NLRC4: variants seen among roughly 807,000 people sequenced by gnomAD.
NLRC4 encodes NLR family CARD domain-containing protein 4.
NLRC4 carries 63 observed loss-of-function variants against 79.9 expected under a neutral mutation model. The ratio of observed to expected loss-of-function variants is 0.79; its 90% CI spans 0.64 to 0.97. The LOEUF (loss-of-function observed/expected upper bound fraction) is 0.97, where lower values mean the gene tolerates loss of function less well. Ranked by LOEUF, NLRC4 falls within the 50% of genes least tolerant of loss-of-function variation. The pLI is 0.00. For missense variants in NLRC4, 1,074 were observed against 1,215.2 expected (o/e 0.88, Z 1.73); for synonymous variants, 461 against 456.5 (o/e 1.01, Z -0.12).
At position 32,251,362 on chromosome 2, in the gene NLRC4, C is replaced by CA; in HGVS notation, c.501dup (p.Glu168Ter). On this transcript the variant is annotated frameshift_variant, in exon 4 of 9. Transcript: ENST00000402280. LOFTEE classifies it high-confidence loss of function. ...GACTTGCCTTTGCCAGATTCCCCTT[C>CA]AATGATGCAGGGGCTCTGAAGAGCC... 6.2e-7 allele frequency: 1 copy of CA among 1,614,138 alleles called. No individual in the cohort carries two copies.
At chr2:32,235,072 G>C (rs978951155) in intron 8 of NLRC4, among the ~76,000 whole-genome samples, 3 of 152,168 alleles carry the variant, frequency 2.0e-5, no homozygotes, top group African/African-American at 7.2e-5. Context: ...TACCCAGTAA[G>C]TAACTTGAAA....
intron 8 of NLRC4, among the ~76,000 whole-genome samples, chr2:32,228,623 A>C (rs1278201219): frequency 6.6e-6 from 1 of 152,220 alleles, no homozygotes; most frequent in African/African-American, 2.4e-5. Context: ...TAAGTTTTTC[A>C]GTAGACTGCA....
chr2:32,249,549 T>C, intron 4 of NLRC4, 58 bp downstream of exon 4: 1 of 1,366,790 alleles, frequency 7.3e-7, no homozygotes, highest in Non-Finnish European at 1.0e-6. Context: ...TTTCCAAATT[T>C]ATACACTGTT....
At chr2:32,263,855 C>G (rs958316317) in intron 1 of NLRC4, among the ~76,000 whole-genome samples, 1 of 152,172 alleles carries the variant, frequency 6.6e-6, no homozygotes, top group Admixed American at 6.5e-5. Flanking sequence ...TGACCAGGTT[C>G]TATCCTAGTT....
chr2:32,234,236 A>G (rs1176183919), intron 8 of NLRC4, among the ~76,000 whole-genome samples: 3 of 151,946 alleles, frequency 2.0e-5, no homozygotes, highest in Non-Finnish European at 4.4e-5. Context: ...AAAAAAAAAA[A>G]TTAGGCGTGG....
chr2:32,228,981 GT>G (rs1197460834), intron 8 of NLRC4, among the ~76,000 whole-genome samples: 1 of 151,882 alleles, frequency 6.6e-6, no homozygotes, highest in Non-Finnish European at 1.5e-5. Flanking sequence ...GGCCAGGCTG[GT>G]TTTGAACTCC....
chr2:32,244,112 T>G lies in NLRC4; in HGVS notation c.2258-2987A>C, dbSNP rs190036604. ...AAAAAATTTAAAAATTAACCAGATG[T>G]GATAGTTCACACTTATGGTCCCAGC... On this transcript the variant is annotated intron_variant, in intron 4 of 8. Transcript: ENST00000402280. 1.8e-3 allele frequency among the ~76,000 whole-genome samples: 270 copies of G among 152,100 alleles called. 1 individual carries two copies. The highest frequency in any genetic ancestry group is 5.9e-3 in the African/African-American group (243 of 41,478).
In NLRC4 at chr2:32,249,834, A is replaced by T. The variant is rs773818828; in HGVS notation, c.2030T>A (p.Ile677Asn). 1.9e-6 allele frequency: 3 copies of T among 1,614,174 alleles called. No individual in the cohort carries two copies. The Admixed American group carries it at 5.0e-5, about 27-fold the overall frequency. The stretch of plus-strand genomic sequence containing the variant: ...GCTGAATATTTTCCCCAGATATCTG[A>T]TATCTTGCTTATTCAACTTGCTGAA... ...RDFSKLNKQDIRYLGKIFSSA... is the reference protein window; with the variant it reads ...RDFSKLNKQDNRYLGKIFSSA... Residue 677 changes from isoleucine to asparagine, a missense_variant, in exon 4 of 9, where the codon ATC becomes AAC. Ile to Asn is a moderately radical substitution (Grantham distance 149). Coordinates refer to ENST00000402280, the MANE Select transcript of NLRC4 (RefSeq NM_001199138.2).
At chr2:32,231,910 A>G (rs1302573338) in intron 8 of NLRC4, among the ~76,000 whole-genome samples, 3 of 152,162 alleles carry the variant, frequency 2.0e-5, no homozygotes, top group Non-Finnish European at 4.4e-5. Flanking sequence ...CATCCAGGAT[A>G]GGACATTACA....
At chr2:32,233,349 A>ATATATATATATTT (rs1418146489) in intron 8 of NLRC4, among the ~76,000 whole-genome samples, 7 of 41,100 alleles carry the variant, frequency 1.7e-4, no homozygotes, top group Non-Finnish European at 2.6e-4. Context: ...ATATATATAT[A>ATATATATATATTT]TTTTTTTTTT....
intron 4 of NLRC4, among the ~76,000 whole-genome samples, chr2:32,246,198 T>C (rs890914013): frequency 6.6e-6 from 1 of 151,998 alleles, no homozygotes; most frequent in Non-Finnish European, 1.5e-5. Flanking sequence ...AAATAATAAT[T>C]AAATAAAGTA....
rs1558447016 is a variant in NLRC4, at chr2:32,233,180, GGAAGGAAGGAAGGA to G, written c.2782+2207_2782+2220del. 1.8e-3 allele frequency among the ~76,000 whole-genome samples: 167 copies of G among 95,236 alleles called. 1 individual carries two copies. Among genetic ancestry groups the G allele is most frequent in the Non-Finnish European group, 2.6e-3 (120 of 46,898 alleles). The allele number at this position is 95,236 out of a possible 152,430, so 62.5% of individuals were successfully genotyped here. ...AGGAAGGAAGGAAGGAAGGAAGGAA[GGAAGGAAGGAAGGA>G]AGGGAGGGAGGGAAAGGAAGAAGGA... On this transcript the variant is annotated intron_variant, in intron 8 of 8. Coordinates refer to ENST00000402280, the MANE Select transcript of NLRC4 (RefSeq NM_001199138.2).
intron 8 of NLRC4, among the ~76,000 whole-genome samples, chr2:32,229,072 A>G (rs1450742934): frequency 6.6e-6 from 1 of 152,016 alleles, no homozygotes; most frequent in East Asian, 1.9e-4. Flanking sequence ...AACAGGCTGG[A>G]TAGCAGAGTT....
chr2:32,237,786 T>C (rs1040894305), intron 6 of NLRC4, among the ~76,000 whole-genome samples: 2 of 152,338 alleles, frequency 1.3e-5, no homozygotes, highest in African/African-American at 4.8e-5. Context: ...TATCTCTCAC[T>C]TCTCAATCAT....
intron 1 of NLRC4, among the ~76,000 whole-genome samples, chr2:32,261,210 A>C (rs1687336487): frequency 6.8e-6 from 1 of 147,890 alleles, no homozygotes; most frequent in Admixed American, 6.8e-5. Context: ...CAACAACAAC[A>C]ACACCATGTA....
rs766879507 is a variant in NLRC4, at chr2:32,235,513, A to G, written c.2670T>C (p.Cys890=). ...GGCTGCTCAGGCTGCCTTGCACGTC[A>G]CAGCCCCAGGGCAGCATCAGTGCGG... is the stretch of plus-strand genomic sequence containing the variant. ...QLTALMLPWG[C]DVQGSLSSLL... is the part of the protein sequence containing the mutation. The change falls in exon 8 of 9, where the codon TGT becomes TGC. Residue 890 remains cysteine (C), a synonymous_variant. Transcript: ENST00000402280. 1 of 1,614,154 alleles carries G rather than the reference A, an allele frequency of 6.2e-7. No individual in the cohort carries two copies. The highest frequency in any genetic ancestry group is 8.5e-7 in the Non-Finnish European group (1 of 1,179,992).
At chr2:32,241,366 TTCC>T (rs1305626754) in intron 4 of NLRC4, among the ~76,000 whole-genome samples, 10 of 143,830 alleles carry the variant, frequency 7.0e-5, no homozygotes, top group African/African-American at 2.6e-5. Flanking sequence ...GGAAAAAAAT[TTCC>T]TTTTTTTTTT....
At chr2:32,225,344 G>T (rs975691563) in intron 8 of NLRC4, among the ~76,000 whole-genome samples, 1 of 151,480 alleles carries the variant, frequency 6.6e-6, no homozygotes, top group Non-Finnish European at 1.5e-5. Context: ...TCCTACATAG[G>T]GTAGGTGGAT....
intron 1 of NLRC4, among the ~76,000 whole-genome samples, chr2:32,261,179 C>T (rs968703084): frequency 2.0e-5 from 3 of 148,580 alleles, no homozygotes; most frequent in African/African-American, 5.0e-5. Context: ...GGCGACAGAG[C>T]GAGACTCCAT....
Sources: gnomAD v4.1 joint callset for allele counts (sites outside exome capture counted in the v4.1 genomes callset) on GRCh38, gnomAD v4.1.1 for gene constraint, MANE v1.5 for transcripts, NCBI Gene and HGNC (gene_info 2026-07-23, HGNC 2026-07-21) for gene names.